NKAIN3: variants seen among roughly 807,000 people sequenced by gnomAD.
The protein encoded by NKAIN3 is sodium/potassium-transporting ATPase subunit beta-1-interacting protein 3.
Under a neutral mutation model 30.2 loss-of-function variants are expected in NKAIN3, and 25 were observed. The ratio of observed to expected loss-of-function variants is 0.83; its 90% CI spans 0.60 to 1.16. NKAIN3 has a LOEUF of 1.16. Among genes scored for constraint, NKAIN3 ranks in the 50% most tolerant of loss-of-function variants. The probability of loss-of-function intolerance (pLI) is 0.00; values close to 1 mark genes in which losing one functional copy is unlikely to be tolerated. For synonymous variants in NKAIN3, 91 were observed against 89.6 expected (o/e 1.02, Z -0.09); for missense variants, 225 against 254.1 (o/e 0.89, Z 0.78).
At chr8:62,498,232 A>C (rs1807306026) in intron 1 of NKAIN3, among the ~76,000 whole-genome samples, 1 of 152,116 alleles carries the variant, frequency 6.6e-6, no homozygotes, top group African/African-American at 2.4e-5. Flanking sequence ...CTTGTTGAGC[A>C]GGGAAGAATT....
intron 1 of NKAIN3, among the ~76,000 whole-genome samples, chr8:62,290,303 G>A (rs542719307): frequency 6.6e-6 from 1 of 152,120 alleles, no homozygotes; most frequent in Admixed American, 6.5e-5. Flanking sequence ...GTGAGAGAGG[G>A]CATCCCTGTC....
chr8:62,959,168 A>C (rs539821517), intron 6 of NKAIN3, among the ~76,000 whole-genome samples: 84 of 152,306 alleles, frequency 5.5e-4, no homozygotes, highest in African/African-American at 1.2e-3. Context: ...ACTAGAAGAC[A>C]GCCAAGGCCA....
At chr8:62,801,299 C>T (rs13259014) in intron 4 of NKAIN3, among the ~76,000 whole-genome samples, 77,143 of 152,032 alleles carry the variant, frequency 0.51, 22,729 homozygotes, top group Non-Finnish European at 0.67. Context: ...GATCTGAGAA[C>T]GGGCAGACTG....
intron 3 of NKAIN3, among the ~76,000 whole-genome samples, chr8:62,626,683 T>A (rs7835370): frequency 0.48 from 73,225 of 151,988 alleles, 20,719 homozygotes; most frequent in African/African-American, 0.79. Flanking sequence ...AAAGAACACA[T>A]TAATAGCACT....
At chr8:62,750,746 C>A (rs16929516) in intron 4 of NKAIN3, among the ~76,000 whole-genome samples, 6 of 151,908 alleles carry the variant, frequency 3.9e-5, no homozygotes. Flanking sequence ...AAAATCAGCG[C>A]GGAATCCATA....
At chr8:62,831,634 G>C (rs1055445400) in intron 4 of NKAIN3, among the ~76,000 whole-genome samples, 4 of 152,038 alleles carry the variant, frequency 2.6e-5, no homozygotes, top group African/African-American at 9.7e-5. Flanking sequence ...GAATTTCAGA[G>C]CTTGAAGACT....
intron 1 of NKAIN3, among the ~76,000 whole-genome samples, chr8:62,537,927 T>C (rs1010849818): frequency 6.6e-6 from 1 of 152,116 alleles, no homozygotes; most frequent in African/African-American, 2.4e-5. Context: ...CAACCTCAGA[T>C]AAACCAAGTT....
At chr8:62,662,926 G>A (rs1336775679) in intron 3 of NKAIN3, among the ~76,000 whole-genome samples, 2 of 152,184 alleles carry the variant, frequency 1.3e-5, no homozygotes, top group Non-Finnish European at 2.9e-5. Flanking sequence ...AGATGTAGAA[G>A]AAAGAACAAT....
At chr8:62,330,010 AC>A (rs1204040154) in intron 1 of NKAIN3, among the ~76,000 whole-genome samples, 1 of 152,054 alleles carries the variant, frequency 6.6e-6, no homozygotes, top group Non-Finnish European at 1.5e-5. Flanking sequence ...TAGATGCAGC[AC>A]CTATCTCAGT....
intron 2 of NKAIN3, among the ~76,000 whole-genome samples, chr8:62,585,583 G>T (rs755987773): frequency 3.3e-5 from 5 of 152,084 alleles, no homozygotes; most frequent in Admixed American, 6.6e-5. Context: ...GCATTAGTTA[G>T]ATTGTCATAA....
chr8:62,258,592 C>A (rs1011765095), intron 1 of NKAIN3, among the ~76,000 whole-genome samples: 1 of 151,842 alleles, frequency 6.6e-6, no homozygotes, highest in East Asian at 1.9e-4. Context: ...CCCAGGAGTT[C>A]GAGGCTGCAG....
intron 1 of NKAIN3, among the ~76,000 whole-genome samples, chr8:62,402,838 G>A (rs1803926443): frequency 6.6e-6 from 1 of 152,188 alleles, no homozygotes; most frequent in South Asian, 2.1e-4. Context: ...AACCAAAAAT[G>A]TGGAAGCAAC....
At chr8:62,785,882 G>A (rs919468958) in intron 4 of NKAIN3, among the ~76,000 whole-genome samples, 9 of 152,102 alleles carry the variant, frequency 5.9e-5, no homozygotes, top group Admixed American at 5.9e-4. Flanking sequence ...AAATCCAGTT[G>A]AAGAGCATGG....
intron 1 of NKAIN3, among the ~76,000 whole-genome samples, chr8:62,487,710 G>T (rs1448589324): frequency 6.6e-6 from 1 of 152,114 alleles, no homozygotes; most frequent in Non-Finnish European, 1.5e-5. Context: ...AGAAGGGAAT[G>T]AGTTGAAAGC....
intron 1 of NKAIN3, among the ~76,000 whole-genome samples, chr8:62,312,161 C>T (rs765141059): frequency 6.0e-5 from 9 of 150,242 alleles, no homozygotes; most frequent in African/African-American, 1.5e-4. Flanking sequence ...TTCTGACTTT[C>T]GAAGACTTCC....
intron 1 of NKAIN3, among the ~76,000 whole-genome samples, chr8:62,541,940 A>G (rs1808858093): frequency 6.6e-6 from 1 of 152,152 alleles, no homozygotes; most frequent in Non-Finnish European, 1.5e-5. Context: ...AACTGCTGAC[A>G]TTTAAGAGTG....
intron 1 of NKAIN3, among the ~76,000 whole-genome samples, chr8:62,467,261 G>T (rs1007397186): frequency 6.6e-6 from 1 of 152,076 alleles, no homozygotes; most frequent in Non-Finnish European, 1.5e-5. Context: ...CTATTTCATT[G>T]CATTTATTAA....
chr8:62,305,911 C>T (rs922931263), intron 1 of NKAIN3, among the ~76,000 whole-genome samples: 9 of 150,394 alleles, frequency 6.0e-5, no homozygotes, highest in Non-Finnish European at 1.2e-4. Flanking sequence ...AAGCCATTTC[C>T]CCATGTGCTA....
chr8:62,508,240 G>A (rs1350528194), intron 1 of NKAIN3, among the ~76,000 whole-genome samples: 1 of 152,146 alleles, frequency 6.6e-6, no homozygotes, highest in Non-Finnish European at 1.5e-5. Flanking sequence ...ATCCCTTCAC[G>A]TGATGACCCC....
Sources: allele counts gnomAD v4.1 joint callset (sites outside exome capture counted in the v4.1 genomes callset), GRCh38; gene constraint gnomAD v4.1.1; transcripts MANE v1.5; gene names NCBI Gene and HGNC (gene_info 2026-07-23, HGNC 2026-07-21).